DOCK8: variants seen among roughly 807,000 people sequenced by gnomAD.
DOCK8 encodes the protein dedicator of cytokinesis 8.
In DOCK8, 141 loss-of-function variants were observed where a neutral mutation model predicts 245.6. The ratio of observed to expected loss-of-function variants is 0.57; its 90% CI spans 0.50 to 0.66. The LOEUF is 0.66. Ranked by LOEUF, DOCK8 falls within the 30% of genes least tolerant of loss-of-function variation. The probability of loss-of-function intolerance (pLI) is 0.00; values close to 1 mark genes in which losing one functional copy is unlikely to be tolerated. For missense variants in DOCK8, 2,965 were observed against 2,603.4 expected (o/e 1.14, Z -3.02); for synonymous variants, 1,168 against 970.2 (o/e 1.20, Z -3.79).
intron 29 of DOCK8, among the ~76,000 whole-genome samples, chr9:415,864 T>C (rs146842900): frequency 6.6e-6 from 1 of 152,338 alleles, no homozygotes; most frequent in East Asian, 1.9e-4. Flanking sequence ...CTTGAAATCT[T>C]GGAACCATCC....
At chr9:314,945 T>G (rs992465231) in intron 6 of DOCK8, among the ~76,000 whole-genome samples, 1 of 152,186 alleles carries the variant, frequency 6.6e-6, no homozygotes, top group South Asian at 2.1e-4. Context: ...GCAAGTTCTT[T>G]CCCTAATTCA....
chr9:244,840 C>G (rs1302696405), intron 1 of DOCK8, among the ~76,000 whole-genome samples: 47 of 152,146 alleles, frequency 3.1e-4, no homozygotes. Context: ...CCTAGTCCGT[C>G]TCTAGTTGAT....
intron 6 of DOCK8, among the ~76,000 whole-genome samples, 182 bp from the exon 7 acceptor site, chr9:316,861 A>G (rs1458657424): frequency 2.0e-5 from 3 of 152,106 alleles, no homozygotes; most frequent in Non-Finnish European, 2.9e-5. Context: ...TTTGCTGCAA[A>G]TGCTGGCTTT....
intron 14 of DOCK8, among the ~76,000 whole-genome samples, chr9:351,488 T>C (rs531050911): frequency 6.6e-6 from 1 of 152,346 alleles, no homozygotes; most frequent in East Asian, 1.9e-4. Context: ...CAGCTGCCCA[T>C]TGGCAAATCA....
At chr9:374,758 G>A (rs1208236946) in intron 18 of DOCK8, among the ~76,000 whole-genome samples, 1 of 151,484 alleles carries the variant, frequency 6.6e-6, no homozygotes, top group Non-Finnish European at 1.5e-5. Flanking sequence ...GAGCCACCAT[G>A]CCCGGCCCCT....
In DOCK8 at chr9:376,214, TC is replaced by T; in HGVS notation, c.2117del (p.Pro706HisfsTer48). Reference sequence around the variant, plus strand: ...TTTTTTTTCTCTTTAACACAGAAAGTCCCATTACAGAATCCTCCCATTAAGT... The same window carrying T: ...TTTTTTTTCTCTTTAACACAGAAAGTCCATTACAGAATCCTCCCATTAAGT... Reference protein sequence around the residue: ...PNYSMHSAEKVPLQNPPIKWA... With the variant: ...PNYSMHSAEKXPLQNPPIKWA... On this transcript the variant is annotated frameshift_variant, in exon 19 of 48. Transcript: ENST00000432829. LOFTEE classifies it high-confidence loss of function. 1 of 1,605,932 alleles carries T rather than the reference TC, an allele frequency of 6.2e-7. No homozygotes were observed. Among genetic ancestry groups the T allele is most frequent in the Non-Finnish European group, 8.5e-7 (1 of 1,172,778 alleles).
chr9:462,494 G>A (rs891207185), intron 46 of DOCK8, among the ~76,000 whole-genome samples: 1 of 152,132 alleles, frequency 6.6e-6, no homozygotes, highest in African/African-American at 2.4e-5. Flanking sequence ...GGCTCTGGAC[G>A]ATATGCAGGT....
intron 4 of DOCK8, among the ~76,000 whole-genome samples, chr9:289,860 T>C (rs888966393): frequency 4.6e-5 from 7 of 152,236 alleles, no homozygotes; most frequent in African/African-American, 1.7e-4. Context: ...ATGTTTACTT[T>C]TTGTGTTGTA....
intron 14 of DOCK8, among the ~76,000 whole-genome samples, chr9:341,286 T>C (rs942603417): frequency 5.3e-5 from 8 of 152,264 alleles, no homozygotes; most frequent in Admixed American, 4.6e-4. Flanking sequence ...CCTTGGTTTC[T>C]GAATCGCTTA....
rs1456788934 is a variant in DOCK8, at chr9:443,492, C to T, written c.5556C>T (p.Asp1852=). 10 of 1,613,888 alleles carry T rather than the reference C, an allele frequency of 6.2e-6. No homozygotes were observed. The highest frequency in any genetic ancestry group is 1.7e-5 in the Admixed American group (1 of 60,000). The change falls in exon 43 of 48, where the codon GAC becomes GAT. Residue 1852 remains aspartate (D), a synonymous_variant. Coordinates refer to ENST00000432829, the MANE Select transcript of DOCK8 (RefSeq NM_203447.4). The part of the protein sequence containing the change: ...VEVIKDSTPV[D]KTKLDPNKAY... The stretch of plus-strand genomic sequence containing the variant: ...TGATTAAAGACTCCACTCCTGTGGA[C>T]AAAACCAAGTTGGATCCTAACAAGG...
chr9:429,965 T>C, intron 36 of DOCK8, 111 bp downstream of exon 36: 3 of 1,340,894 alleles, frequency 2.2e-6, no homozygotes, highest in Non-Finnish European at 3.1e-6. Flanking sequence ...TTTACTTCTG[T>C]CCTGTGAGAA....
chr9:311,418 C>CT (rs527490172), intron 5 of DOCK8, among the ~76,000 whole-genome samples: 7,050 of 139,188 alleles, frequency 0.051, 383 homozygotes, highest in African/African-American at 0.14. Context: ...CTAAGTTTTG[C>CT]TTTTTTTTTT....
intron 4 of DOCK8, among the ~76,000 whole-genome samples, chr9:297,550 C>T (rs918125695): frequency 6.6e-6 from 1 of 152,128 alleles, no homozygotes; most frequent in South Asian, 2.1e-4. Context: ...CATCTAGGTG[C>T]AACAGGAACT....
chr9:285,379 C>G (rs1430764326), intron 2 of DOCK8, among the ~76,000 whole-genome samples: 1 of 151,982 alleles, frequency 6.6e-6, no homozygotes, highest in Non-Finnish European at 1.5e-5. Context: ...CCCTTGTCTC[C>G]CATCAAGGCA....
rs116487812 is a variant in DOCK8 at position 419,473 on chromosome 9, C to T, written c.3841-928C>T. Among the ~76,000 whole-genome samples, 712 of 152,294 alleles carry T rather than the reference C, an allele frequency of 4.7e-3. 5 individuals are homozygous for T. The highest frequency in any genetic ancestry group is 0.016 in the African/African-American group (667 of 41,564). ...TGCCTCTAAGGGAAAAACTCAAAAG[C>T]CCAAAGTTCACCTGTTAGAACATAG... is the stretch of plus-strand genomic sequence containing the variant. On this transcript the variant is annotated intron_variant, in intron 30 of 47. Coordinates refer to ENST00000432829, the MANE Select transcript of DOCK8 (RefSeq NM_203447.4).
intron 1 of DOCK8, among the ~76,000 whole-genome samples, chr9:234,439 G>A (rs557955881): frequency 2.3e-4 from 35 of 152,256 alleles, no homozygotes; most frequent in African/African-American, 7.9e-4. Flanking sequence ...TTTCAGTGTT[G>A]GCCTGCCTTG....
intron 22 of DOCK8, among the ~76,000 whole-genome samples, chr9:383,910 C>T (rs953446091): frequency 1.3e-5 from 2 of 152,060 alleles, no homozygotes; most frequent in Admixed American, 6.6e-5. Context: ...CCTTTATTAA[C>T]ATTTTACATT....
At chr9:295,075 G>T (rs1358291943) in intron 4 of DOCK8, among the ~76,000 whole-genome samples, 1 of 151,962 alleles carries the variant, frequency 6.6e-6, no homozygotes, top group Non-Finnish European at 1.5e-5. Flanking sequence ...CAGGAGAATC[G>T]CTTGAACCTG....
Position 442,009 on chromosome 9 carries a change from G to A in DOCK8, c.5490G>A (p.Glu1830=), listed in dbSNP as rs1419858195. ...TTCCTGAGATCTCACATAGACTAGAGGTAAGAAAAGTGATTCTGTGCGCCT... is the reference window on the plus strand; with the variant it reads ...TTCCTGAGATCTCACATAGACTAGAAGTAAGAAAAGTGATTCTGTGCGCCT... ...TKLPEISHRL[E]AFYGQCFGAE... The change falls in exon 42 of 48, where the codon GAG becomes GAA. Residue 1830 remains glutamate, a splice_region_variant and synonymous_variant. Coordinates refer to ENST00000432829, the MANE Select transcript of DOCK8 (RefSeq NM_203447.4). 6.2e-7 allele frequency: 1 copy of A among 1,613,726 alleles called. No individual in the cohort carries two copies. The highest frequency in any genetic ancestry group is 1.1e-5 in the South Asian group (1 of 91,060).
Sources: gnomAD v4.1 joint callset for allele counts (sites outside exome capture counted in the v4.1 genomes callset) on GRCh38, gnomAD v4.1.1 for gene constraint, MANE v1.5 for transcripts, NCBI Gene and HGNC (gene_info 2026-07-23, HGNC 2026-07-21) for gene names.